The following OSBPL5 variants were observed in gnomAD, a reference collection of about 807,000 sequenced individuals.
OSBPL5 encodes oxysterol binding protein like 5.
A neutral mutation model predicts 111.2 loss-of-function variants in OSBPL5; 71 were observed. The ratio of observed to expected loss-of-function variants is 0.64; its 90% confidence interval spans 0.53 to 0.78. The LOEUF (loss-of-function observed/expected upper bound fraction) is 0.78, where lower values mean the gene tolerates loss of function less well. Ranked by LOEUF, OSBPL5 falls within the 30% of genes least tolerant of loss-of-function variation. OSBPL5 has a pLI of 0.00. For synonymous variants in OSBPL5, 549 were observed against 513.9 expected, an observed-to-expected ratio of 1.07 and a Z score of -0.93; for missense variants, 1,210 against 1,189.3, an observed-to-expected ratio of 1.02 and a Z score of -0.26.
chr11:3,113,404 C>T lies in OSBPL5; in HGVS notation c.692-5459G>A, dbSNP rs1858079886. On this transcript the variant is annotated intron_variant, in intron 7 of 21. Coordinates refer to ENST00000263650, the MANE Select transcript of OSBPL5 (RefSeq NM_020896.4). The surrounding 1 kb of genome is among the most constrained non-coding windows in gnomAD (Gnocchi z 4.8). ...TGTAATCTTTAATAATGCCTGTAAT[C>T]TCAGCACTTTGGGAGGCTGAGGTGG... is the stretch of plus-strand genomic sequence containing the variant. Among the ~76,000 whole-genome samples the T allele has an allele frequency of 6.6e-6, 1 of 152,164 alleles. No homozygotes were observed. The highest frequency in any genetic ancestry group is 2.1e-4 in the South Asian group (1 of 4,832).
chr11:3,155,047 G>C (rs1051266544), intron 1 of OSBPL5, among the ~76,000 whole-genome samples: 3 of 152,198 alleles, frequency 2.0e-5, no homozygotes, highest in African/African-American at 7.2e-5. Flanking sequence ...GACCCTGCAA[G>C]GACACAGGGA....
At position 3,101,661 on chromosome 11, in the gene OSBPL5, G is replaced by C; in HGVS notation, c.1464C>G (p.Ser488Arg). Residue 488 changes from serine (S) to arginine (R), a missense_variant, in exon 13 of 22, where the codon AGC (serine) becomes AGG (arginine). Ser to Arg is a moderately radical substitution (Grantham distance 110, BLOSUM62 -1). Transcript: ENST00000263650. ...TGATGCAGAAGCCGTCCTTCCGGTT[G>C]CTGACGTGGAAGGCAGACACGGGCG... Reference protein sequence around the residue: ...HHPPVSAFHVSNRKDGFCISG... With the variant: ...HHPPVSAFHVRNRKDGFCISG... 1 of 1,613,942 alleles carries C rather than the reference G, an allele frequency of 6.2e-7. No individual in the cohort carries two copies. The highest frequency in any genetic ancestry group is 8.5e-7 in the Non-Finnish European group (1 of 1,179,998).
intron 21 of OSBPL5, 68 bp from the exon 22 acceptor site, chr11:3,088,411 G>A: frequency 7.1e-7 from 1 of 1,411,406 alleles, no homozygotes. Flanking sequence ...CACAAGCCAG[G>A]ACAGTGCCCT....
chr11:3,144,405 T>C (rs1213311847), intron 1 of OSBPL5, among the ~76,000 whole-genome samples: 1 of 152,232 alleles, frequency 6.6e-6, no homozygotes, highest in Non-Finnish European at 1.5e-5. Flanking sequence ...CGATGCTGTT[T>C]CTTTAAAAAA....
chr11:3,127,116 G>A (rs566681274), intron 2 of OSBPL5, among the ~76,000 whole-genome samples: 11 of 152,328 alleles, frequency 7.2e-5, no homozygotes, highest in Non-Finnish European at 1.0e-4. Flanking sequence ...CCCCTCCCCC[G>A]GCTCTGTTTG....
At chr11:3,133,543 C>G (rs546150589) in intron 1 of OSBPL5, among the ~76,000 whole-genome samples, 1 of 150,952 alleles carries the variant, frequency 6.6e-6, no homozygotes. Flanking sequence ...GGCGGTCGCT[C>G]TCAGCGGCCT....
chr11:3,089,441 T>C (rs1856983415), intron 21 of OSBPL5, among the ~76,000 whole-genome samples: 1 of 152,066 alleles, frequency 6.6e-6, no homozygotes, highest in Non-Finnish European at 1.5e-5. Flanking sequence ...TCCCATTTGC[T>C]CCTTCCCCAG....
In OSBPL5 at chr11:3,092,027, C is replaced by A. The variant is rs1857075326; in HGVS notation, c.2259+405G>T. Reference sequence around the variant, plus strand: ...TCCTCAGGTTACTCCCTGGAGCCTCCTGCTGTCCCGCTTCCCCTTTCCAGA... The same window carrying A: ...TCCTCAGGTTACTCCCTGGAGCCTCATGCTGTCCCGCTTCCCCTTTCCAGA... On this transcript the variant is annotated intron_variant, in intron 19 of 21. Transcript: ENST00000263650. This position sits in a 1 kb window ranked among gnomAD's most constrained non-coding sequence, Gnocchi z 5.4. 6.6e-6 allele frequency among the ~76,000 whole-genome samples: 1 copy of A among 152,190 alleles called. No homozygotes were observed. The highest frequency in any genetic ancestry group is 6.5e-5 in the Admixed American group (1 of 15,280).
At chr11:3,133,269 C>G (rs1845860741) in intron 1 of OSBPL5, among the ~76,000 whole-genome samples, 1 of 152,226 alleles carries the variant, frequency 6.6e-6, no homozygotes, top group Admixed American at 6.5e-5. Flanking sequence ...CCCCAGGGAG[C>G]ACAGCCCCTG....
intron 6 of OSBPL5, among the ~76,000 whole-genome samples, chr11:3,120,161 G>A (rs927999449): frequency 1.3e-5 from 2 of 152,180 alleles, no homozygotes; most frequent in African/African-American, 4.8e-5. Context: ...AGCCACTGTT[G>A]TCCCTCCTGG....
chr11:3,115,873 CTT>C (rs369499437), intron 7 of OSBPL5, among the ~76,000 whole-genome samples: 11 of 144,000 alleles, frequency 7.6e-5, no homozygotes, highest in Non-Finnish European at 7.6e-5. Flanking sequence ...AGGCTTTTGC[CTT>C]TTTTTTTTTT....
At position 3,107,802 on chromosome 11, in the gene OSBPL5, C is replaced by T; in HGVS notation, c.835G>A (p.Ala279Thr). ...AGGTCTTGGTCTGGGTGGACGGTGGCTGAGGCTGGCAGCCCACAGAGCGAT... is the reference window on the plus strand; with the variant it reads ...AGGTCTTGGTCTGGGTGGACGGTGGTTGAGGCTGGCAGCCCACAGAGCGAT... ...PSSLCGLPAS[A>T]TVHPDQDLFP... The change falls in exon 8 of 22, where the codon GCC becomes ACC. Residue 279 changes from alanine (A) to threonine (T), a missense_variant. Ala to Thr is a moderately conservative substitution (Grantham distance 58, BLOSUM62 0). Coordinates refer to ENST00000263650, the MANE Select transcript of OSBPL5 (RefSeq NM_020896.4). The surrounding 1 kb of genome is among the most constrained non-coding windows in gnomAD (Gnocchi z 6.1). The T allele has an allele frequency of 6.2e-7, 1 of 1,612,570 alleles. No individual in the cohort carries two copies. The highest frequency in any genetic ancestry group is 8.5e-7 in the Non-Finnish European group (1 of 1,179,950).
intron 1 of OSBPL5, among the ~76,000 whole-genome samples, chr11:3,150,476 C>T (rs759918340): frequency 1.3e-5 from 2 of 152,106 alleles, no homozygotes; most frequent in South Asian, 2.1e-4. Flanking sequence ...ACGTCCCACC[C>T]GTCCAAGCTG....
intron 1 of OSBPL5, chr11:3,160,919 A>AAGGGGCCATCCGTGACCAGCAGTC (rs1236600482): frequency 3.3e-5 from 5 of 152,118 alleles, no homozygotes; most frequent in African/African-American, 4.8e-5. Flanking sequence ...GGCACTTACC[A>AAGGGGCCATCCGTGACCAGCAGTC]AGGGGCCATC....
At chr11:3,102,782 G>A (rs536850559) in intron 11 of OSBPL5, among the ~76,000 whole-genome samples, 25 of 152,296 alleles carry the variant, frequency 1.6e-4, no homozygotes, top group South Asian at 1.2e-3. Context: ...GGGGAGCTGC[G>A]GGCCCTCTTG....
At chr11:3,097,368 C>T (rs1053198391) in intron 14 of OSBPL5, among the ~76,000 whole-genome samples, 23 of 152,184 alleles carry the variant, frequency 1.5e-4, no homozygotes, top group African/African-American at 5.5e-4. Context: ...GTCAAGGAAA[C>T]ATTTGTATTG....
Position 3,088,035 on chromosome 11 carries a change from G to A in OSBPL5, c.*170C>T, listed in dbSNP as rs1856929945. 1.8e-6 allele frequency: 1 copy of A among 559,354 alleles called. No homozygotes were observed. Among genetic ancestry groups the A allele is most frequent in the South Asian group, 3.2e-5 (1 of 31,058 alleles). The allele number at this position is 559,354 out of a possible 1,614,324, so 34.6% of individuals were successfully genotyped here. A position where few individuals can be genotyped will look rare whatever the true frequency, so the allele number is the denominator to read the frequency against. ...GGCCAGTGCCCCTGAGAGGGGCCCAGCACACCTGGGCCCGCAGCGCCTTGT... is the reference window on the plus strand; with the variant it reads ...GGCCAGTGCCCCTGAGAGGGGCCCAACACACCTGGGCCCGCAGCGCCTTGT... On this transcript the variant is annotated 3_prime_UTR_variant, in exon 22 of 22. Transcript: ENST00000263650.
chr11:3,133,019 ACTGTTC>A (rs1417425324), intron 1 of OSBPL5, among the ~76,000 whole-genome samples: 1 of 152,078 alleles, frequency 6.6e-6, no homozygotes, highest in Non-Finnish European at 1.5e-5. Context: ...CTGCCTCCCC[ACTGTTC>A]CTGAGGTCTC....
chr11:3,159,776 T>C (rs1846897887), intron 1 of OSBPL5, among the ~76,000 whole-genome samples: 1 of 151,948 alleles, frequency 6.6e-6, no homozygotes, highest in Non-Finnish European at 1.5e-5. Context: ...TGGCAGCCCA[T>C]AGGGGTGGGG....
Sources: gnomAD v4.1 joint callset for allele counts (sites outside exome capture counted in the v4.1 genomes callset) on GRCh38, gnomAD v4.1.1 for gene constraint, Gnocchi (gnomAD v3.1) non-coding constraint, MANE v1.5 for transcripts, NCBI Gene and HGNC (gene_info 2026-07-23, HGNC 2026-07-21) for gene names.